Variants in UTS2R observed in about 807,000 individuals in gnomAD.
UTS2R encodes the protein urotensin-2 receptor.
For missense variants in UTS2R, 653 were observed against 562.2 expected, an observed-to-expected ratio of 1.16 and a Z score of -1.63; for synonymous variants, 335 against 280.9, an observed-to-expected ratio of 1.19 and a Z score of -1.93.
In UTS2R at chr17:82,375,272, G is replaced by T. The variant is rs746637037; in HGVS notation, c.948G>T (p.Thr316=). The change falls in exon 3 of 3, where the codon ACG becomes ACT. Residue 316 remains threonine (T), a synonymous_variant. Transcript: ENST00000313135. The part of the protein sequence containing the change: ...GNSCANPFLY[T]LLTRNYRDHL... ...GCTGCGCCAACCCCTTCCTCTACACGCTGCTCACCAGGAACTACCGCGACC... is the reference window on the plus strand; with the variant it reads ...GCTGCGCCAACCCCTTCCTCTACACTCTGCTCACCAGGAACTACCGCGACC... 1.3e-6 allele frequency: 2 copies of T among 1,568,862 alleles called. No homozygotes were observed.
chr17:82,375,259 C>G lies in UTS2R; in HGVS notation c.935C>G (p.Pro312Arg). 1 of 1,577,658 alleles carries G rather than the reference C, an allele frequency of 6.3e-7. No individual in the cohort carries two copies. Among genetic ancestry groups the G allele is most frequent in the Non-Finnish European group, 8.6e-7 (1 of 1,163,206 alleles). ...CLTYGNSCAN[P>R]FLYTLLTRNY... ...ACCTACGGCAACAGCTGCGCCAACCCCTTCCTCTACACGCTGCTCACCAGG... is the reference window on the plus strand; with the variant it reads ...ACCTACGGCAACAGCTGCGCCAACCGCTTCCTCTACACGCTGCTCACCAGG... Residue 312 changes from proline (P) to arginine (R), a missense_variant, in exon 3 of 3, where the codon CCC becomes CGC. Coordinates refer to ENST00000313135, the MANE Select transcript of UTS2R (RefSeq NM_018949.3).
intron 2 of UTS2R, among the ~76,000 whole-genome samples, chr17:82,373,120 C>A (rs2052462083): frequency 6.6e-6 from 1 of 151,918 alleles, no homozygotes; most frequent in Non-Finnish European, 1.5e-5. Context: ...GCAGTTCTTC[C>A]CTATATTTTT....
rs2052487888 is a variant in UTS2R at position 82,375,393 on chromosome 17, C to T, written c.1069C>T (p.Arg357Cys). 1.3e-6 allele frequency: 2 copies of T among 1,578,242 alleles called. No homozygotes were observed. Among genetic ancestry groups the T allele is most frequent in the Admixed American group, 1.7e-5 (1 of 57,278 alleles). Reference sequence around the variant, plus strand: ...CGCCCGCTTCCAGCGCTGTTCGGGCCGCTCCCTGTCTTCCTGCAGCCCACA... The same window carrying T: ...CGCCCGCTTCCAGCGCTGTTCGGGCTGCTCCCTGTCTTCCTGCAGCCCACA... Reference protein sequence around the residue: ...PRARFQRCSGRSLSSCSPQPT... With the variant: ...PRARFQRCSGCSLSSCSPQPT... Residue 357 changes from arginine (R) to cysteine (C), a missense_variant, in exon 3 of 3, where the codon CGC becomes TGC. Physicochemically the swap from Arg to Cys is radical, Grantham distance 180. Transcript: ENST00000313135.
Position 82,375,618 on chromosome 17 carries a change from C to T in UTS2R, c.*124C>T, listed in dbSNP as rs2052490678. The stretch of plus-strand genomic sequence containing the variant: ...TCCTCCGTCCCCTTCTGGAAAGATC[C>T]TGCTCGCTTCCCCTCAGCGCCCTTC... On this transcript the variant is annotated 3_prime_UTR_variant, in exon 3 of 3. Coordinates refer to ENST00000313135, the MANE Select transcript of UTS2R (RefSeq NM_018949.3). 1 of 509,502 alleles carries T rather than the reference C, an allele frequency of 2.0e-6. No homozygotes were observed. The highest frequency in any genetic ancestry group is 4.3e-5 in the Admixed American group (1 of 23,274). The allele number at this position is 509,502 out of a possible 1,614,324, so 31.6% of individuals were successfully genotyped here. A position where few individuals can be genotyped will look rare whatever the true frequency, so the allele number is the denominator to read the frequency against.
rs774242230 is a variant in UTS2R, at chr17:82,374,585, C to T, written c.261C>T (p.Tyr87=). Residue 87 remains tyrosine, a synonymous_variant, in exon 3 of 3, where the codon TAC becomes TAT. Transcript: ENST00000313135. ...CRSLRAVASM[Y]VYVVNLALAD... ...CCCTGCGTGCGGTGGCCTCCATGTA[C>T]GTCTACGTGGTCAACCTGGCGCTGG... 3 of 1,604,588 alleles carry T rather than the reference C, an allele frequency of 1.9e-6. No homozygotes were observed. Among genetic ancestry groups the T allele is most frequent in the Middle Eastern group, 1.7e-4 (1 of 6,052 alleles).
chr17:82,373,599 C>T (rs1444558746), intron 2 of UTS2R, among the ~76,000 whole-genome samples: 1 of 152,054 alleles, frequency 6.6e-6, no homozygotes, highest in African/African-American at 2.4e-5. Flanking sequence ...AAATATTTTC[C>T]CATCCAAGGT....
Position 82,375,872 on chromosome 17 carries a change from A to G in UTS2R, c.*378A>G, listed in dbSNP as rs115067937. ...TGGCTCCATCCCTTGTGGCTTTGCC[A>G]CTGGAACAATCAACCCTGAGCTGGC... On this transcript the variant is annotated 3_prime_UTR_variant, in exon 3 of 3. Coordinates refer to ENST00000313135, the MANE Select transcript of UTS2R (RefSeq NM_018949.3). Among the ~76,000 whole-genome samples, 1,988 of 152,248 alleles carry G rather than the reference A, an allele frequency of 0.013. 51 individuals carry two copies. The highest frequency in any genetic ancestry group is 0.044 in the African/African-American group (1,841 of 41,546).
At position 82,374,254 on chromosome 17, in the gene UTS2R, T is replaced by G; in HGVS notation, c.-71T>G. 4.0e-6 allele frequency: 5 copies of G among 1,237,472 alleles called. No individual in the cohort carries two copies. Among genetic ancestry groups the G allele is most frequent in the Non-Finnish European group, 5.5e-6 (5 of 914,164 alleles). The allele number at this position is 1,237,472 out of a possible 1,614,324, so 76.7% of individuals were successfully genotyped here. On this transcript the variant is annotated 5_prime_UTR_variant, in exon 3 of 3. Coordinates refer to ENST00000313135, the MANE Select transcript of UTS2R (RefSeq NM_018949.3). ...TTCTTTCCCCACAGGCTGAGCTGGT[T>G]GCCCACAGGGGCCCCCGCCCCATCT...
rs1022246585 is a variant in UTS2R at position 82,377,157 on chromosome 17, G to A, written c.*1663G>A. Among the ~76,000 whole-genome samples the A allele has an allele frequency of 3.3e-5, 5 of 152,068 alleles. No individual in the cohort carries two copies. The highest frequency in any genetic ancestry group is 1.2e-4 in the African/African-American group (5 of 41,388). ...CTGCCTTGGGATCCTGTTGATCTATGACCTTACCCCCAACCCTGTGCTCTC... is the reference window on the plus strand; with the variant it reads ...CTGCCTTGGGATCCTGTTGATCTATAACCTTACCCCCAACCCTGTGCTCTC... On this transcript the variant is annotated 3_prime_UTR_variant, in exon 3 of 3. Coordinates refer to ENST00000313135, the MANE Select transcript of UTS2R (RefSeq NM_018949.3).
rs1284902638 is a variant in UTS2R at position 82,374,995 on chromosome 17, G to C, written c.671G>C (p.Gly224Ala). 7.8e-7 allele frequency: 1 copy of C among 1,276,876 alleles called. No homozygotes were observed. Among genetic ancestry groups the C allele is most frequent in the South Asian group, 1.3e-5 (1 of 78,044 alleles). 79.1% of individuals were successfully genotyped at this position (1,276,876 alleles called of 1,614,324 possible). A position where few individuals can be genotyped will look rare whatever the true frequency, so the allele number is the denominator to read the frequency against. ...LLFATSIAGP[G>A]LLIGLLYARL... ...TTCGCCACCAGCATCGCGGGGCCCG[G>C]GCTGCTCATCGGGCTGCTCTACGCG... The change falls in exon 3 of 3, where the codon GGG becomes GCG. Residue 224 changes from glycine (G) to alanine (A), a missense_variant. Coordinates refer to ENST00000313135, the MANE Select transcript of UTS2R (RefSeq NM_018949.3).
rs537844120 is a variant in UTS2R at position 82,376,061 on chromosome 17, A to G, written c.*567A>G. On this transcript the variant is annotated 3_prime_UTR_variant, in exon 3 of 3. Coordinates refer to ENST00000313135, the MANE Select transcript of UTS2R (RefSeq NM_018949.3). Reference sequence around the variant, plus strand: ...GGCCTGTGCAGGCGGCTGGTCTGGCACCTGATGTGGGGCAGGGAAGGTGGC... The same window carrying G: ...GGCCTGTGCAGGCGGCTGGTCTGGCGCCTGATGTGGGGCAGGGAAGGTGGC... 6.6e-6 allele frequency among the ~76,000 whole-genome samples: 1 copy of G among 152,240 alleles called. No individual in the cohort carries two copies. Among genetic ancestry groups the G allele is most frequent in the East Asian group, 1.9e-4 (1 of 5,176 alleles).
chr17:82,373,802 A>AT (rs1406743171), intron 2 of UTS2R, among the ~76,000 whole-genome samples: 2 of 152,204 alleles, frequency 1.3e-5, no homozygotes, highest in African/African-American at 4.8e-5. Context: ...TAAAGAAAAC[A>AT]TTTTTTTAAA....
chr17:82,374,763 G>A lies in UTS2R; in HGVS notation c.439G>A (p.Glu147Lys), dbSNP rs1444217674. 7 of 1,608,032 alleles carry A rather than the reference G, an allele frequency of 4.4e-6. No homozygotes were observed. The African/African-American group carries it at 6.7e-5, about 15-fold the overall frequency. Residue 147 changes from glutamate (E) to lysine (K), a missense_variant, in exon 3 of 3, where the codon GAG (glutamate) becomes AAG (lysine). Physicochemically the swap from Glu to Lys is moderately conservative, Grantham distance 56 (BLOSUM62 1). Transcript: ENST00000313135. ...SIFTLTVMSS[E>K]RYAAVLRPLD... ...CTTCACGCTGACCGTCATGAGCAGC[G>A]AGCGCTACGCTGCGGTGCTGCGGCC...
rs1456303728 is a variant in UTS2R at position 82,371,908 on chromosome 17, T to C, written c.-408T>C. 6.6e-6 allele frequency among the ~76,000 whole-genome samples: 1 copy of C among 151,554 alleles called. No homozygotes were observed. Among genetic ancestry groups the C allele is most frequent in the Non-Finnish European group, 1.5e-5 (1 of 67,852 alleles). Reference sequence around the variant, plus strand: ...CCACCGCGGAGCCCCTCGCGCCCCCTCTGCGCTGGGACAGGGGAGCGCGCC... The same window carrying C: ...CCACCGCGGAGCCCCTCGCGCCCCCCCTGCGCTGGGACAGGGGAGCGCGCC... On this transcript the variant is annotated 5_prime_UTR_variant, in exon 1 of 3. Transcript: ENST00000313135. The surrounding 1 kb of genome is among the most constrained non-coding windows in gnomAD (Gnocchi z 6.3).
chr17:82,374,986 CG>C lies in UTS2R; in HGVS notation c.666del (p.Leu225CysfsTer75), dbSNP rs755621136. ...YLTLLFATSIAGPGLLIGLLY... is the reference protein window; with the variant it reads ...YLTLLFATSIXGPGLLIGLLY... Reference sequence around the variant, plus strand: ...ACGCTGCTCTTCGCCACCAGCATCGCGGGGCCCGGGCTGCTCATCGGGCTGC... The same window carrying C: ...ACGCTGCTCTTCGCCACCAGCATCGCGGGCCCGGGCTGCTCATCGGGCTGC... On this transcript the variant is annotated frameshift_variant, in exon 3 of 3. Coordinates refer to ENST00000313135, the MANE Select transcript of UTS2R (RefSeq NM_018949.3). LOFTEE classifies it low-confidence loss of function (END_TRUNC). The C allele has an allele frequency of 5.6e-6, 7 of 1,240,004 alleles. No individual in the cohort carries two copies. In the South Asian group the frequency reaches 7.9e-5, roughly 14 times the overall value. The allele number at this position is 1,240,004 out of a possible 1,614,324, so 76.8% of individuals were successfully genotyped here. A position where few individuals can be genotyped will look rare whatever the true frequency, so the allele number is the denominator to read the frequency against.
chr17:82,375,021 C>A lies in UTS2R; in HGVS notation c.697C>A (p.Arg233Ser), dbSNP rs771336923. 2.9e-6 allele frequency: 4 copies of A among 1,360,946 alleles called. No individual in the cohort carries two copies. Among genetic ancestry groups the A allele is most frequent in the East Asian group, 5.6e-5 (2 of 35,652 alleles). 84.3% of individuals were successfully genotyped at this position (1,360,946 alleles called of 1,614,324 possible). Residue 233 changes from arginine to serine, a missense_variant, in exon 3 of 3, where the codon CGC becomes AGC. By Grantham distance (110) the Arg-to-Ser change is moderately radical. Coordinates refer to ENST00000313135, the MANE Select transcript of UTS2R (RefSeq NM_018949.3). ...GCTGCTCATCGGGCTGCTCTACGCG[C>A]GCCTGGCCCGCGCCTACCGCCGCTC... is the stretch of plus-strand genomic sequence containing the variant. ...PGLLIGLLYA[R>S]LARAYRRSQR...
rs570359521 is a variant in UTS2R, at chr17:82,374,905, G to A, written c.581G>A (p.Gly194Asp). The change falls in exon 3 of 3, where the codon GGT (glycine) becomes GAT (aspartate). Residue 194 changes from glycine to aspartate, a missense_variant. By Grantham distance (94) the Gly-to-Asp change is moderately conservative. Transcript: ENST00000313135. ...VMLAMRLVRR[G>D]PKSLCLPAWG... ...CTGGCCATGCGGCTGGTGCGCCGGGGTCCCAAGAGCCTGTGCCTGCCCGCC... is the reference window on the plus strand; with the variant it reads ...CTGGCCATGCGGCTGGTGCGCCGGGATCCCAAGAGCCTGTGCCTGCCCGCC... The A allele has an allele frequency of 7.5e-6, 9 of 1,200,846 alleles. No individual in the cohort carries two copies. The highest frequency in any genetic ancestry group is 6.0e-5 in the African/African-American group (4 of 67,048). 74.4% of individuals were successfully genotyped at this position (1,200,846 alleles called of 1,614,324 possible).
At position 82,374,592 on chromosome 17, in the gene UTS2R, G is replaced by A. The variant is rs556349329; in HGVS notation, c.268G>A (p.Val90Met). 2.5e-6 allele frequency: 4 copies of A among 1,607,244 alleles called. No individual in the cohort carries two copies. Among genetic ancestry groups the A allele is most frequent in the South Asian group, 1.1e-5 (1 of 89,922 alleles). Residue 90 changes from valine (V) to methionine (M), a missense_variant, in exon 3 of 3, where the codon GTG becomes ATG. Physicochemically the swap from Val to Met is conservative, Grantham distance 21. Transcript: ENST00000313135. ...LRAVASMYVY[V>M]VNLALADLLY... ...TGCGGTGGCCTCCATGTACGTCTAC[G>A]TGGTCAACCTGGCGCTGGCCGACCT...
In UTS2R at chr17:82,374,987, G is replaced by C. The variant is rs757010003; in HGVS notation, c.663G>C (p.Ala221=). ...YLTLLFATSI[A]GPGLLIGLLY... ...CGCTGCTCTTCGCCACCAGCATCGC[G>C]GGGCCCGGGCTGCTCATCGGGCTGC... Residue 221 remains alanine (A), a synonymous_variant, in exon 3 of 3, where the codon GCG becomes GCC. Transcript: ENST00000313135. 2.4e-6 allele frequency: 3 copies of C among 1,246,614 alleles called. No homozygotes were observed. Among genetic ancestry groups the C allele is most frequent in the South Asian group, 2.6e-5 (2 of 76,516 alleles). The allele number at this position is 1,246,614 out of a possible 1,614,324, so 77.2% of individuals were successfully genotyped here. A position where few individuals can be genotyped will look rare whatever the true frequency, so the allele number is the denominator to read the frequency against.
Sources: gnomAD v4.1 joint callset for allele counts (sites outside exome capture counted in the v4.1 genomes callset) on GRCh38, gnomAD v4.1.1 for gene constraint, Gnocchi (gnomAD v3.1) non-coding constraint, MANE v1.5 for transcripts, NCBI Gene and HGNC (gene_info 2026-07-23, HGNC 2026-07-21) for gene names.